Variants in GLCCI1 observed in about 807,000 individuals in gnomAD.
GLCCI1 encodes the protein glucocorticoid induced 1, also known as glucocorticoid-induced transcript 1 protein.
Under a neutral mutation model 52.2 loss-of-function variants are expected in GLCCI1, and 24 were observed. The observed-to-expected ratio is 0.46, with a 90% CI of 0.33 to 0.65. The LOEUF (loss-of-function observed/expected upper bound fraction) is 0.65, where lower values mean the gene tolerates loss of function less well. Among genes scored for constraint, GLCCI1 ranks in the 30% least tolerant of loss-of-function variants. The pLI is 0.02. For synonymous variants in GLCCI1, 310 were observed against 276.5 expected (o/e 1.12, Z -1.20); for missense variants, 704 against 701.5 (o/e 1.00, Z -0.04).
Position 8,085,610 on chromosome 7 carries a change from G to C in GLCCI1, c.1299-583G>C, listed in dbSNP as rs573351106. On this transcript the variant is annotated intron_variant, in intron 7 of 7. Coordinates refer to ENST00000223145, the MANE Select transcript of GLCCI1 (RefSeq NM_138426.4). The stretch of plus-strand genomic sequence containing the variant: ...GCAGGTGCCTAGTGGAGGGTGCAGT[G>C]CTCTTGCAACATAGAAGGACCCATC... Among the ~76,000 whole-genome samples the C allele has an allele frequency of 2.6e-5, 4 of 152,258 alleles. No individual in the cohort carries two copies. The East Asian group carries it at 7.7e-4, about 29-fold the overall frequency.
intron 5 of GLCCI1, 196 bp from the exon 6 acceptor site, chr7:8,070,725 A>C: frequency 1.8e-6 from 1 of 553,970 alleles, no homozygotes; most frequent in Middle Eastern, 5.0e-4. Context: ...AAACAATTTG[A>C]TTTAAAAGAA....
chr7:8,063,491 A>G (rs1782560679), intron 5 of GLCCI1, among the ~76,000 whole-genome samples: 1 of 151,446 alleles, frequency 6.6e-6, no homozygotes. Context: ...GTGAGATGGT[A>G]TCTCATTGTG....
chr7:8,001,135 G>A (rs138912252), intron 1 of GLCCI1, among the ~76,000 whole-genome samples: 5,588 of 152,220 alleles, frequency 0.037, 143 homozygotes, highest in Non-Finnish European at 0.057. Context: ...TCCTAGCATC[G>A]GTGGTCTTTA....
At chr7:8,071,512 G>A (rs1251420692) in intron 6 of GLCCI1, among the ~76,000 whole-genome samples, 5 of 152,150 alleles carry the variant, frequency 3.3e-5, no homozygotes, top group East Asian at 1.9e-4. Flanking sequence ...ATTGATTTGC[G>A]AGGAAATAAT....
At chr7:8,081,801 GT>G (rs1386908909) in intron 6 of GLCCI1, among the ~76,000 whole-genome samples, 1 of 152,108 alleles carries the variant, frequency 6.6e-6, no homozygotes, top group African/African-American at 2.4e-5. Context: ...TGTGTGATCT[GT>G]TTTAAAACAG....
intron 5 of GLCCI1, among the ~76,000 whole-genome samples, chr7:8,062,466 A>C (rs1472417810): frequency 6.6e-6 from 1 of 152,182 alleles, no homozygotes; most frequent in Non-Finnish European, 1.5e-5. Context: ...TAGACAAATG[A>C]AGTTTTTAAC....
intron 6 of GLCCI1, among the ~76,000 whole-genome samples, chr7:8,083,806 G>A (rs936816879): frequency 6.6e-6 from 1 of 152,170 alleles, no homozygotes; most frequent in African/African-American, 2.4e-5. Context: ...GCATTAGTGT[G>A]CATCAAGGGT....
intron 5 of GLCCI1, 82 bp downstream of exon 5, chr7:8,060,330 T>C (rs963169413): frequency 4.6e-6 from 5 of 1,094,750 alleles, no homozygotes; most frequent in Middle Eastern, 2.7e-4. Context: ...GTAACAGCTT[T>C]GTTAAGATAT....
In GLCCI1 at chr7:7,976,479, CA is replaced by C. The variant is rs35255634; in HGVS notation, c.457+6691del. ...GGGCAACAAGAGTGAAACTCCATCT[CA>C]AAAAAAAAAAAAAAAAAAGGAAAGG... On this transcript the variant is annotated intron_variant, in intron 1 of 7. Coordinates refer to ENST00000223145, the MANE Select transcript of GLCCI1 (RefSeq NM_138426.4). 4.4e-3 allele frequency among the ~76,000 whole-genome samples: 109 copies of C among 24,676 alleles called. 1 individual carries two copies. The highest frequency in any genetic ancestry group is 0.013 in the Admixed American group (22 of 1,692). 16.2% of individuals were successfully genotyped at this position (24,676 alleles called of 152,430 possible).
At chr7:8,067,055 C>A (rs1212044109) in intron 5 of GLCCI1, among the ~76,000 whole-genome samples, 2 of 152,152 alleles carry the variant, frequency 1.3e-5, no homozygotes, top group Non-Finnish European at 2.9e-5. Context: ...TTTTATGAAT[C>A]TGGGTGCCCC....
chr7:8,022,740 G>A (rs1781521469), intron 3 of GLCCI1, 171 bp downstream of exon 3: 1 of 292,202 alleles, frequency 3.4e-6, no homozygotes, highest in Admixed American at 5.1e-5. Context: ...GTTTTTGTAA[G>A]GTTAGGACAG....
chr7:7,997,202 T>C (rs887083504), intron 1 of GLCCI1, among the ~76,000 whole-genome samples: 1 of 152,200 alleles, frequency 6.6e-6, no homozygotes, highest in Non-Finnish European at 1.5e-5. Flanking sequence ...GTTATTTTGT[T>C]ACCTTTTTTT....
At chr7:7,979,748 T>G (rs1780569516) in intron 1 of GLCCI1, among the ~76,000 whole-genome samples, 1 of 152,202 alleles carries the variant, frequency 6.6e-6, no homozygotes, top group East Asian at 1.9e-4. Context: ...TGTAGTAATC[T>G]TGGGCAGTGA....
chr7:8,045,597 A>AAT (rs1012035685), intron 3 of GLCCI1, among the ~76,000 whole-genome samples: 7 of 152,156 alleles, frequency 4.6e-5, no homozygotes, highest in African/African-American at 1.7e-4. Flanking sequence ...CTATACCTGA[A>AAT]ATACTATACC....
intron 1 of GLCCI1, chr7:7,981,194 T>C: frequency 2.9e-6 from 1 of 346,398 alleles, no homozygotes; most frequent in Non-Finnish European, 5.6e-6. Flanking sequence ...CAATAAGAAG[T>C]TGTGAAGTTA....
Position 7,969,849 on chromosome 7 carries a change from C to A in GLCCI1, c.457+42C>A. ...TCCCGTCCTCCCGGGCTGCGTCTCC[C>A]CGACGGTGCCCTCCGTGGAAACTTC... On this transcript the variant is annotated intron_variant, in intron 1 of 7. Transcript: ENST00000223145. This position sits in a 1 kb window ranked among gnomAD's most constrained non-coding sequence, Gnocchi z 4.9. 1 of 1,356,328 alleles carries A rather than the reference C, an allele frequency of 7.4e-7. No homozygotes were observed. Among genetic ancestry groups the A allele is most frequent in the South Asian group, 1.4e-5 (1 of 71,844 alleles). The allele number at this position is 1,356,328 out of a possible 1,614,324, so 84.0% of individuals were successfully genotyped here.
At chr7:8,019,181 A>T (rs947684283) in intron 2 of GLCCI1, among the ~76,000 whole-genome samples, 1 of 152,172 alleles carries the variant, frequency 6.6e-6, no homozygotes, top group Non-Finnish European at 1.5e-5. Flanking sequence ...CCTCCAATTG[A>T]ACTTTCTTTA....
At chr7:8,075,872 C>G (rs1368922514) in intron 6 of GLCCI1, among the ~76,000 whole-genome samples, 2 of 152,170 alleles carry the variant, frequency 1.3e-5, no homozygotes, top group Non-Finnish European at 2.9e-5. Context: ...GTTTCCCAAG[C>G]CAATGCATGT....
rs1379073039 is a variant in GLCCI1 at position 7,991,373 on chromosome 7, G to C, written c.458-12535G>C. On this transcript the variant is annotated intron_variant, in intron 1 of 7. Coordinates refer to ENST00000223145, the MANE Select transcript of GLCCI1 (RefSeq NM_138426.4). The stretch of plus-strand genomic sequence containing the variant: ...TGTGTTTTCTGTATTATATTTAGCT[G>C]TTCTTTATTCAAATAGGAAATAAGA... Among the ~76,000 whole-genome samples the C allele has an allele frequency of 3.3e-5, 5 of 152,068 alleles. No individual in the cohort carries two copies. The South Asian group carries it at 8.3e-4, about 25-fold the overall frequency.
Sources: allele counts gnomAD v4.1 joint callset (sites outside exome capture counted in the v4.1 genomes callset), GRCh38; gene constraint gnomAD v4.1.1; non-coding constraint Gnocchi (gnomAD v3.1); transcripts MANE v1.5; gene names NCBI Gene and HGNC (gene_info 2026-07-23, HGNC 2026-07-21).